The following SPDYE21 variants were observed in gnomAD, a reference collection of about 807,000 sequenced individuals.
The protein encoded by SPDYE21 is speedy protein E21.
SPDYE21 carries 14 observed loss-of-function variants against 36.2 expected under a neutral mutation model. The observed-to-expected ratio is 0.39, with a 90% CI of 0.26 to 0.61. The LOEUF is 0.61. SPDYE21 is among the 20% of genes least tolerant of loss of function. The pLI is 0.55. For synonymous variants in SPDYE21, 58 were observed against 155.1 expected, an observed-to-expected ratio of 0.37 and a Z score of 4.65; for missense variants, 233 against 424.6, an observed-to-expected ratio of 0.55 and a Z score of 3.97.
chr7:67,280,519 T>C (rs1246525506), intron 3 of SPDYE21, among the ~76,000 whole-genome samples: 1 of 150,912 alleles, frequency 6.6e-6, no homozygotes, highest in Non-Finnish European at 1.5e-5. Flanking sequence ...CAGACCAATA[T>C]AGCGAAACCT....
intron 1 of SPDYE21, among the ~76,000 whole-genome samples, 153 bp from the exon 2 acceptor site, chr7:67,278,135 TCTCA>T (rs763171735): frequency 3.2e-5 from 3 of 95,100 alleles, no homozygotes; most frequent in Admixed American, 1.1e-4. Context: ...TACATGATAA[TCTCA>T]CTCTTGCACA....
rs190387161 is a variant in SPDYE21 at position 67,283,657 on chromosome 7, C to T, written c.670-256C>T. On this transcript the variant is annotated intron_variant, in intron 5 of 8. Transcript: ENST00000424157. Reference sequence around the variant, plus strand: ...CCCTCCTGACACCAGCCGACCCAGACACACCCCCTCCAAAGATCCCATCGG... The same window carrying T: ...CCCTCCTGACACCAGCCGACCCAGATACACCCCCTCCAAAGATCCCATCGG... Among the ~76,000 whole-genome samples, 740 of 152,266 alleles carry T rather than the reference C, an allele frequency of 4.9e-3. 4 individuals are homozygous for T. Among genetic ancestry groups the T allele is most frequent in the Non-Finnish European group, 7.3e-3 (498 of 68,024 alleles).
At chr7:67,279,767 A>G (rs1802599666) in intron 2 of SPDYE21, 51 bp from the exon 3 acceptor site, 3 of 1,593,642 alleles carry the variant, frequency 1.9e-6, no homozygotes, top group Non-Finnish European at 8.5e-7. Flanking sequence ...GTCGGGGTCT[A>G]AGGTGATCAG....
chr7:67,287,781 C>T lies in SPDYE21; in HGVS notation c.*309C>T, dbSNP rs941056712. 7.2e-5 allele frequency among the ~76,000 whole-genome samples: 11 copies of T among 151,998 alleles called. No individual in the cohort carries two copies. Among genetic ancestry groups the T allele is most frequent in the African/African-American group, 2.7e-4 (11 of 41,384 alleles). On this transcript the variant is annotated 3_prime_UTR_variant, in exon 9 of 9. Coordinates refer to ENST00000424157, the MANE Select transcript of SPDYE21 (RefSeq NM_001382715.2). ...TCCACCCTTTCCTGCGGCACCACCACCCTTTTTATATTGCTGAATTCCAAC... is the reference window on the plus strand; with the variant it reads ...TCCACCCTTTCCTGCGGCACCACCATCCTTTTTATATTGCTGAATTCCAAC...
At chr7:67,283,053 G>A (rs1364970876) in intron 5 of SPDYE21, among the ~76,000 whole-genome samples, 3 of 148,534 alleles carry the variant, frequency 2.0e-5, no homozygotes, top group Non-Finnish European at 4.5e-5. Flanking sequence ...CGATCCACCC[G>A]CCTTGGCCTC....
At position 67,280,003 on chromosome 7, in the gene SPDYE21, C is replaced by T; in HGVS notation, c.346C>T (p.Pro116Ser). Residue 116 changes from proline to serine, a missense_variant, in exon 3 of 9, where the codon CCT (proline) becomes TCT (serine). By Grantham distance (74) the Pro-to-Ser change is moderately conservative. Coordinates refer to ENST00000424157, the MANE Select transcript of SPDYE21 (RefSeq NM_001382715.2). ...LKQQRVSPIL[P>S]EHHKDFNSQL... ...GCAACAGCGAGTGTCACCCATCCTC[C>T]CTGAGCACCACAAGGACTTCAACAG... is the stretch of plus-strand genomic sequence containing the variant. 6.3e-7 allele frequency: 1 copy of T among 1,584,166 alleles called. No individual in the cohort carries two copies. The highest frequency in any genetic ancestry group is 8.5e-7 in the Non-Finnish European group (1 of 1,173,898).
chr7:67,288,285 C>T lies in SPDYE21; in HGVS notation c.*813C>T, dbSNP rs1429935976. Reference sequence around the variant, plus strand: ...TTGGTAGTTCCCCACCAGAAAAAAACATAATTCTGGTGATAGAAATTTTTA... The same window carrying T: ...TTGGTAGTTCCCCACCAGAAAAAAATATAATTCTGGTGATAGAAATTTTTA... On this transcript the variant is annotated 3_prime_UTR_variant, in exon 9 of 9. Coordinates refer to ENST00000424157, the MANE Select transcript of SPDYE21 (RefSeq NM_001382715.2). Among the ~76,000 whole-genome samples, 1 of 148,308 alleles carries T rather than the reference C, an allele frequency of 6.7e-6. No individual in the cohort carries two copies. The highest frequency in any genetic ancestry group is 1.5e-5 in the Non-Finnish European group (1 of 66,674).
chr7:67,281,077 T>G, intron 3 of SPDYE21, among the ~76,000 whole-genome samples: 1 of 98,862 alleles, frequency 1.0e-5, no homozygotes. Flanking sequence ...GCAAGACTGT[T>G]TCGCAACAAC....
Position 67,279,998 on chromosome 7 carries a change from T to C in SPDYE21, c.341T>C (p.Ile114Thr). 1.3e-6 allele frequency: 2 copies of C among 1,582,606 alleles called. No individual in the cohort carries two copies. Among genetic ancestry groups the C allele is most frequent in the South Asian group, 2.2e-5 (2 of 89,200 alleles). The change falls in exon 3 of 9, where the codon ATC (isoleucine) becomes ACC (threonine). Residue 114 changes from isoleucine (I) to threonine (T), a missense_variant. Transcript: ENST00000424157. ...MKLKQQRVSP[I>T]LPEHHKDFNS... Reference sequence around the variant, plus strand: ...CTGAAGCAACAGCGAGTGTCACCCATCCTCCCTGAGCACCACAAGGACTTC... The same window carrying C: ...CTGAAGCAACAGCGAGTGTCACCCACCCTCCCTGAGCACCACAAGGACTTC...
chr7:67,287,528 C>G lies in SPDYE21; in HGVS notation c.*56C>G, dbSNP rs1244011190. On this transcript the variant is annotated 3_prime_UTR_variant, in exon 9 of 9. Coordinates refer to ENST00000424157, the MANE Select transcript of SPDYE21 (RefSeq NM_001382715.2). ...CTCTCTCACTTCCAGAACACCGGAC[C>G]CAGGGGAGATGTGGATTTTCAGCAG... Among the ~76,000 whole-genome samples the G allele has an allele frequency of 6.6e-6, 1 of 151,944 alleles. No individual in the cohort carries two copies. The highest frequency in any genetic ancestry group is 1.5e-5 in the Non-Finnish European group (1 of 67,986).
rs1406654489 is a variant in SPDYE21, at chr7:67,286,546, G to A, written c.1150-14G>A. Among the ~76,000 whole-genome samples the A allele has an allele frequency of 3.9e-5, 6 of 151,920 alleles. No homozygotes were observed. The highest frequency in any genetic ancestry group is 7.3e-5 in the African/African-American group (3 of 41,364). On this transcript the variant is annotated splice_polypyrimidine_tract_variant and intron_variant, in intron 7 of 8. Transcript: ENST00000424157. The stretch of plus-strand genomic sequence containing the variant: ...GCGAGTCCCCGTCTTCTCAAAGGGC[G>A]TTTGTTTTTCCAGATCCAGGCTTAT...
intron 7 of SPDYE21, among the ~76,000 whole-genome samples, 30 bp downstream of exon 7, chr7:67,286,467 T>G (rs1584749904): frequency 1.9e-4 from 27 of 142,122 alleles, no homozygotes; most frequent in African/African-American, 2.7e-4. Context: ...GTGGAGGAGG[T>G]GGGGAGGAAT....
At position 67,279,185 on chromosome 7, in the gene SPDYE21, A is replaced by C. The variant is rs1204256364; in HGVS notation, c.160+312A>C. Among the ~76,000 whole-genome samples the C allele has an allele frequency of 3.0e-4, 42 of 142,314 alleles. No individual in the cohort carries two copies. The East Asian group carries it at 4.0e-3, about 14-fold the overall frequency. The allele number at this position is 142,314 out of a possible 152,430, so 93.4% of individuals were successfully genotyped here. A position where few individuals can be genotyped will look rare whatever the true frequency, so the allele number is the denominator to read the frequency against. On this transcript the variant is annotated intron_variant, in intron 2 of 8. Transcript: ENST00000424157. The stretch of plus-strand genomic sequence containing the variant: ...CTGAGATCACGCTACTGCACTCCCA[A>C]AAAAAAAAAAAAGAAAAAAGAAAAG...
intron 4 of SPDYE21, among the ~76,000 whole-genome samples, chr7:67,282,046 T>C (rs1037686001): frequency 2.0e-5 from 3 of 151,960 alleles, no homozygotes; most frequent in African/African-American, 2.4e-5. Context: ...GACAGGAGAA[T>C]CGCTTAAACC....
chr7:67,285,788 A>G (rs559935), intron 6 of SPDYE21, among the ~76,000 whole-genome samples: 2 of 152,038 alleles, frequency 1.3e-5, no homozygotes, highest in South Asian at 2.1e-4. Context: ...TGGCCTCCCA[A>G]TGTGCTGGGA....
At chr7:67,282,721 C>T in intron 5 of SPDYE21, 28 bp downstream of exon 5, 1 of 1,081,308 alleles carries the variant, frequency 9.2e-7, no homozygotes, top group Non-Finnish European at 1.3e-6. Flanking sequence ...GTAACTGTTC[C>T]TGTTCCAACA....
In SPDYE21 at chr7:67,279,874, G is replaced by T. The variant is rs1470693248; in HGVS notation, c.217G>T (p.Glu73Ter). ...GTCCCTTGGCTGGAAAAGGAAGAAG[G>T]AGTGGTCAGATGAATCTGAGGAGGA... ...CRSLGWKRKKEWSDESEEEPE... is the reference protein window; with the variant it reads ...CRSLGWKRKK Residue 73 changes from glutamate (E) to a stop codon, truncating the protein, a stop_gained, in exon 3 of 9, where the codon GAG becomes TAG. Transcript: ENST00000424157. LOFTEE classifies it high-confidence loss of function. 1 of 1,590,018 alleles carries T rather than the reference G, an allele frequency of 6.3e-7. No individual in the cohort carries two copies. The highest frequency in any genetic ancestry group is 1.4e-5 in the African/African-American group (1 of 73,762).
rs1802782644 is a variant in SPDYE21 at position 67,288,520 on chromosome 7, T to A, written c.*1048T>A. 6.8e-6 allele frequency among the ~76,000 whole-genome samples: 1 copy of A among 147,654 alleles called. No individual in the cohort carries two copies. Among genetic ancestry groups the A allele is most frequent in the African/African-American group, 2.5e-5 (1 of 40,786 alleles). The stretch of plus-strand genomic sequence containing the variant: ...ATTTAAATATTATTATTACTTTAAA[T>A]ATTATTTTAAATATTTTGGAAATAC... On this transcript the variant is annotated 3_prime_UTR_variant, in exon 9 of 9. Coordinates refer to ENST00000424157, the MANE Select transcript of SPDYE21 (RefSeq NM_001382715.2).
At chr7:67,284,855 G>A (rs1802703214) in intron 6 of SPDYE21, among the ~76,000 whole-genome samples, 2 of 151,622 alleles carry the variant, frequency 1.3e-5, no homozygotes, top group South Asian at 4.2e-4. Context: ...CTCTATCGAG[G>A]CCAGGGTCCA....
Sources: allele counts gnomAD v4.1 joint callset (sites outside exome capture counted in the v4.1 genomes callset), GRCh38; gene constraint gnomAD v4.1.1; transcripts MANE v1.5; gene names NCBI Gene and HGNC (gene_info 2026-07-23, HGNC 2026-07-21).